ADAMTSL3: variants seen among roughly 807,000 people sequenced by gnomAD.
ADAMTSL3 encodes ADAMTS like 3.
A neutral mutation model predicts 201.7 loss-of-function variants in ADAMTSL3; 128 were observed. The ratio of observed to expected loss-of-function variants is 0.63; its 90% CI spans 0.55 to 0.73. ADAMTSL3 has a LOEUF of 0.73. ADAMTSL3 is among the 30% of genes least tolerant of loss of function. The pLI is 0.00. For synonymous variants in ADAMTSL3, 738 were observed against 748.4 expected (o/e 0.99, Z 0.23); for missense variants, 1,990 against 2,119.6 (o/e 0.94, Z 1.20).
chr15:83,877,875 G>A lies in ADAMTSL3; in HGVS notation c.960+6916G>A, dbSNP rs116427005. On this transcript the variant is annotated intron_variant, in intron 9 of 29. Coordinates refer to ENST00000286744, the MANE Select transcript of ADAMTSL3 (RefSeq NM_207517.3). ...ATGGTATTTTTTTCAGTTTCTATTT[G>A]TTTCTGGGGTGTGGAAATATTGATT... 9.2e-3 allele frequency among the ~76,000 whole-genome samples: 1,392 copies of A among 151,756 alleles called. 19 individuals are homozygous for A. The highest frequency in any genetic ancestry group is 0.032 in the African/African-American group (1,315 of 41,378).
intron 3 of ADAMTSL3, among the ~76,000 whole-genome samples, chr15:83,710,174 T>C (rs1188703587): frequency 3.9e-5 from 6 of 152,216 alleles, no homozygotes; most frequent in Non-Finnish European, 8.8e-5. Flanking sequence ...CTTGATCTCA[T>C]GTTGGAGAGG....
intron 3 of ADAMTSL3, chr15:83,739,945 G>A (rs1429148662): frequency 1.8e-6 from 1 of 548,074 alleles, no homozygotes; most frequent in African/African-American, 1.9e-5. Context: ...CTTCTTCAGT[G>A]AGATGGGTAC....
intron 5 of ADAMTSL3, among the ~76,000 whole-genome samples, chr15:83,818,459 TG>T (rs1351755450): frequency 6.6e-6 from 1 of 152,102 alleles, no homozygotes; most frequent in Non-Finnish European, 1.5e-5. Context: ...CATGAACAGC[TG>T]GGACTACAGG....
chr15:83,798,815 AAAAAAAAAAC>A (rs1255498659), intron 4 of ADAMTSL3, among the ~76,000 whole-genome samples: 11 of 150,352 alleles, frequency 7.3e-5, no homozygotes, highest in African/African-American at 2.5e-4. Context: ...TCAAAAAAAA[AAAAAAAAAAC>A]AAAAAAAAAG....
chr15:83,837,892 T>C (rs1187314085), intron 6 of ADAMTSL3, among the ~76,000 whole-genome samples, 197 bp from the exon 7 acceptor site: 1 of 152,114 alleles, frequency 6.6e-6, no homozygotes, highest in Non-Finnish European at 1.5e-5. Context: ...TATTAATATT[T>C]CGGCCTTACA....
At chr15:84,016,981 A>G (rs774161545) in intron 25 of ADAMTSL3, among the ~76,000 whole-genome samples, 9 of 152,268 alleles carry the variant, frequency 5.9e-5, no homozygotes, top group Non-Finnish European at 2.9e-5. Flanking sequence ...ATCAAGGCAG[A>G]GTTAAGAAAA....
At chr15:84,022,679 A>T (rs2068226386) in intron 26 of ADAMTSL3, among the ~76,000 whole-genome samples, 1 of 152,212 alleles carries the variant, frequency 6.6e-6, no homozygotes, top group African/African-American at 2.4e-5. Flanking sequence ...GCCTAGCAAT[A>T]GTAGGTGCTT....
intron 3 of ADAMTSL3, among the ~76,000 whole-genome samples, chr15:83,730,746 G>A (rs2062252910): frequency 1.3e-5 from 2 of 151,750 alleles, no homozygotes; most frequent in Non-Finnish European, 2.9e-5. Context: ...TCTGTTGATT[G>A]TTTTCTTTGC....
intron 19 of ADAMTSL3, among the ~76,000 whole-genome samples, chr15:83,956,517 C>T (rs1567262836): frequency 6.6e-6 from 1 of 152,090 alleles, no homozygotes; most frequent in Non-Finnish European, 1.5e-5. Flanking sequence ...TTGCTCTGCC[C>T]TTTTTGCTAA....
intron 6 of ADAMTSL3, among the ~76,000 whole-genome samples, chr15:83,821,761 A>G (rs2063871682): frequency 6.6e-6 from 1 of 151,484 alleles, no homozygotes; most frequent in Admixed American, 6.6e-5. Context: ...TGTTGGGTAC[A>G]CCTCCCAGAC....
intron 23 of ADAMTSL3, among the ~76,000 whole-genome samples, chr15:84,006,426 CA>C (rs1567297137): frequency 6.6e-6 from 1 of 152,160 alleles, no homozygotes; most frequent in African/African-American, 2.4e-5. Flanking sequence ...GCAGTCTGAA[CA>C]GGCCAGGGAT....
At chr15:83,859,634 A>T (rs2064814706) in intron 8 of ADAMTSL3, among the ~76,000 whole-genome samples, 1 of 152,098 alleles carries the variant, frequency 6.6e-6, no homozygotes, top group Non-Finnish European at 1.5e-5. Context: ...AGATGCCTGG[A>T]ATTTCTCTTG....
chr15:83,937,742 T>C (rs1431768597), intron 17 of ADAMTSL3, among the ~76,000 whole-genome samples: 1 of 151,176 alleles, frequency 6.6e-6, no homozygotes, highest in East Asian at 1.9e-4. Flanking sequence ...ATTGATTTTG[T>C]CTTTTTGCAT....
At chr15:84,025,183 C>G (rs2068279429) in intron 26 of ADAMTSL3, 55 bp from the exon 27 acceptor site, 1 of 1,465,216 alleles carries the variant, frequency 6.8e-7, no homozygotes, top group African/African-American at 1.4e-5. Flanking sequence ...TGAGACGCCC[C>G]CTCTAAGATC....
At chr15:83,983,811 A>G (rs2067431271) in intron 21 of ADAMTSL3, among the ~76,000 whole-genome samples, 1 of 152,094 alleles carries the variant, frequency 6.6e-6, no homozygotes, top group Non-Finnish European at 1.5e-5. Context: ...CTTTCTGATG[A>G]GGTAATTGAG....
At chr15:83,903,970 A>AGGG (rs1567226231) in intron 15 of ADAMTSL3, among the ~76,000 whole-genome samples, 19 of 116,536 alleles carry the variant, frequency 1.6e-4, no homozygotes, top group Admixed American at 2.8e-4. Flanking sequence ...GAAAGAAAGA[A>AGGG]AAGGAGCTAC....
In ADAMTSL3 at chr15:84,021,616, T is replaced by A. The variant is rs554467543; in HGVS notation, c.4457+23T>A. ...GAGGTAAGTGAAGTCACTCTTTGTA[T>A]CTCATCAACACCAAGTTTTTGTTTG... is the stretch of plus-strand genomic sequence containing the variant. On this transcript the variant is annotated intron_variant, in intron 26 of 29. Transcript: ENST00000286744. 104 of 1,608,704 alleles carry A rather than the reference T, an allele frequency of 6.5e-5. No homozygotes were observed. In the Admixed American group the frequency reaches 1.7e-3, roughly 26 times the overall value.
chr15:83,795,129 C>G (rs2063403841), intron 4 of ADAMTSL3, among the ~76,000 whole-genome samples: 1 of 151,912 alleles, frequency 6.6e-6, no homozygotes, highest in Admixed American at 6.6e-5. Flanking sequence ...GCTGGGATTA[C>G]AGGTGTGAAC....
intron 6 of ADAMTSL3, among the ~76,000 whole-genome samples, chr15:83,833,473 G>A (rs11259920): frequency 0.51 from 77,433 of 151,934 alleles, 21,329 homozygotes; most frequent in South Asian, 0.69. Flanking sequence ...TCACCTCCTA[G>A]TACCATCAAC....
Sources: allele counts gnomAD v4.1 joint callset (sites outside exome capture counted in the v4.1 genomes callset), GRCh38; gene constraint gnomAD v4.1.1; transcripts MANE v1.5; gene names NCBI Gene and HGNC (gene_info 2026-07-23, HGNC 2026-07-21).